Variants in ATP10B observed in about 807,000 individuals in gnomAD.
ATP10B encodes the protein ATPase phospholipid transporting 10B (putative).
In ATP10B, 122 loss-of-function variants were observed where a neutral mutation model predicts 141.2. The observed-to-expected ratio is 0.86, with a 90% CI of 0.75 to 1.00. The LOEUF (loss-of-function observed/expected upper bound fraction) is 1.00. ATP10B is among the 50% of genes least tolerant of loss of function. The probability of loss-of-function intolerance (pLI) is 0.00; values close to 1 mark genes in which losing one functional copy is unlikely to be tolerated. For missense variants in ATP10B, 1,876 were observed against 1,825.3 expected (o/e 1.03, Z -0.51); for synonymous variants, 685 against 692.0 (o/e 0.99, Z 0.16).
intron 1 of ATP10B, among the ~76,000 whole-genome samples, chr5:160,803,850 T>C (rs1327655041): frequency 1.3e-5 from 2 of 152,182 alleles, no homozygotes; most frequent in Non-Finnish European, 2.9e-5. Flanking sequence ...CCATGATTTA[T>C]ATTTGTTATT....
intron 22 of ATP10B, among the ~76,000 whole-genome samples, chr5:160,593,806 A>C (rs934078832): frequency 6.6e-6 from 1 of 151,908 alleles, no homozygotes; most frequent in Non-Finnish European, 1.5e-5. Context: ...GAAATGAATG[A>C]AATGAAGTGA....
the ATP10B span, among the ~76,000 whole-genome samples, chr5:160,873,519 G>C: frequency 1.3e-5 from 2 of 152,174 alleles, no homozygotes; most frequent in African/African-American, 2.4e-5. Context: ...ACATGGCCAG[G>C]CTCTCGAGGA....
At chr5:160,907,217 T>C in the ATP10B span, among the ~76,000 whole-genome samples, 1 of 152,172 alleles carries the variant, frequency 6.6e-6, no homozygotes, top group Non-Finnish European at 1.5e-5. Context: ...ACCTGAAATC[T>C]TTCTAATAAA....
chr5:160,899,449 G>A, the ATP10B span, among the ~76,000 whole-genome samples: 3 of 152,106 alleles, frequency 2.0e-5, no homozygotes, highest in Admixed American at 6.5e-5. Context: ...TGGGGGTGAC[G>A]GATGTGTTTT....
chr5:160,922,786 C>T, the ATP10B span, among the ~76,000 whole-genome samples: 3 of 152,200 alleles, frequency 2.0e-5, no homozygotes, highest in Non-Finnish European at 4.4e-5. Flanking sequence ...GGGACAGTGA[C>T]ACACAAGATG....
intron 6 of ATP10B, among the ~76,000 whole-genome samples, chr5:160,682,380 C>A (rs1447617154): frequency 1.3e-5 from 2 of 152,188 alleles, no homozygotes; most frequent in African/African-American, 2.4e-5. Flanking sequence ...AAACTCCATG[C>A]TCCTCCCTGC....
intron 9 of ATP10B, among the ~76,000 whole-genome samples, chr5:160,643,114 G>C (rs760675248): frequency 5.9e-5 from 9 of 152,186 alleles, no homozygotes; most frequent in Non-Finnish European, 1.2e-4. Flanking sequence ...CATCTGAACT[G>C]ACAAATATAA....
chr5:160,891,130 C>A, the ATP10B span, among the ~76,000 whole-genome samples: 1 of 152,170 alleles, frequency 6.6e-6, no homozygotes, highest in South Asian at 2.1e-4. Flanking sequence ...TACTGTAATT[C>A]TGTTAAACTT....
intron 7 of ATP10B, among the ~76,000 whole-genome samples, chr5:160,660,316 T>C (rs1761821936): frequency 6.6e-6 from 1 of 152,210 alleles, no homozygotes; most frequent in Non-Finnish European, 1.5e-5. Flanking sequence ...ACTAACGTTA[T>C]GTGAAAAGGA....
At chr5:160,733,690 CACAT>C (rs372200477) in intron 2 of ATP10B, among the ~76,000 whole-genome samples, 9,316 of 76,378 alleles carry the variant, frequency 0.12, 318 homozygotes, top group Middle Eastern at 0.19. Flanking sequence ...TATACACACA[CACAT>C]ATATATATAT....
intron 20 of ATP10B, chr5:160,603,518 G>A (rs761686027): frequency 1.1e-4 from 20 of 177,506 alleles, no homozygotes; most frequent in Admixed American, 3.8e-4. Flanking sequence ...CTTCCATTGT[G>A]GCCCAGGGAA....
the ATP10B span, among the ~76,000 whole-genome samples, chr5:160,892,068 TCA>T: frequency 6.6e-6 from 1 of 152,222 alleles, no homozygotes; most frequent in African/African-American, 2.4e-5. Flanking sequence ...ATTATTTGCT[TCA>T]GTCAGTAAAT....
At chr5:160,820,552 T>A (rs1774020864) in intron 1 of ATP10B, among the ~76,000 whole-genome samples, 1 of 152,158 alleles carries the variant, frequency 6.6e-6, no homozygotes, top group African/African-American at 2.4e-5. Flanking sequence ...GAAGCCAGTA[T>A]TACTCTGATA....
the ATP10B span, among the ~76,000 whole-genome samples, chr5:160,902,089 T>C: frequency 3.3e-5 from 5 of 152,166 alleles, no homozygotes; most frequent in Admixed American, 3.3e-4. Context: ...TGAGGTCATA[T>C]ACAAAAAGAG....
chr5:160,766,243 A>G lies in ATP10B; in HGVS notation c.-331+19316T>C, dbSNP rs574026815. Among the ~76,000 whole-genome samples, 21 of 152,004 alleles carry G rather than the reference A, an allele frequency of 1.4e-4. No individual in the cohort carries two copies. In the East Asian group the frequency reaches 2.7e-3, roughly 20 times the overall value. On this transcript the variant is annotated intron_variant, in intron 2 of 25. Transcript: ENST00000327245. ...AAAGAAAAGTCATATTATGAAAAAG[A>G]CACTTGCACATCCATGTTTATAGCA...
the ATP10B span, among the ~76,000 whole-genome samples, chr5:160,863,178 C>T: frequency 6.6e-6 from 1 of 151,944 alleles, no homozygotes; most frequent in African/African-American, 2.4e-5. Context: ...ATCTGATGCT[C>T]CCACTCGTTA....
At chr5:160,602,534 G>T in intron 21 of ATP10B, 43 bp downstream of exon 21, 1 of 1,611,564 alleles carries the variant, frequency 6.2e-7, no homozygotes, top group Non-Finnish European at 8.5e-7. Context: ...CCGTGGCAAG[G>T]CCTGCCAAAG....
At chr5:160,717,562 T>C (rs1765735098) in intron 2 of ATP10B, among the ~76,000 whole-genome samples, 1 of 152,220 alleles carries the variant, frequency 6.6e-6, no homozygotes, top group Admixed American at 6.5e-5. Flanking sequence ...TTAACGGTGA[T>C]ATATTGGTTG....
At position 160,620,854 on chromosome 5, in the gene ATP10B, A is replaced by G; in HGVS notation, c.1909T>C (p.Phe637Leu). The change falls in exon 15 of 26, where the codon TTC (phenylalanine) becomes CTC (leucine). Residue 637 changes from phenylalanine (F) to leucine (L), a missense_variant. By Grantham distance (22) the Phe-to-Leu change is conservative (BLOSUM62 0). Transcript: ENST00000327245. ...KLKLLSLSQSFSSTAPSDTDL... is the reference protein window; with the variant it reads ...KLKLLSLSQSLSSTAPSDTDL... Reference sequence around the variant, plus strand: ...GTGTCAGAGGGTGCAGTGGATGAGAATGACTGGCTGAGGCTCAATAGCTTC... The same window carrying G: ...GTGTCAGAGGGTGCAGTGGATGAGAGTGACTGGCTGAGGCTCAATAGCTTC... The G allele has an allele frequency of 1.2e-6, 2 of 1,614,200 alleles. No individual in the cohort carries two copies. The highest frequency in any genetic ancestry group is 1.7e-6 in the Non-Finnish European group (2 of 1,180,020).
Sources: gnomAD v4.1 joint callset for allele counts (sites outside exome capture counted in the v4.1 genomes callset) on GRCh38, gnomAD v4.1.1 for gene constraint, MANE v1.5 for transcripts, NCBI Gene and HGNC (gene_info 2026-07-23, HGNC 2026-07-21) for gene names.